MYO18B: variants seen among roughly 807,000 people sequenced by gnomAD.
MYO18B encodes unconventional myosin-XVIIIb.
In MYO18B, 204 loss-of-function variants were observed where a neutral mutation model predicts 273.0. The ratio of observed to expected loss-of-function variants is 0.75; its 90% CI spans 0.67 to 0.84. The LOEUF is 0.84. Ranked by LOEUF, MYO18B falls within the 40% of genes least tolerant of loss-of-function variation. The probability of loss-of-function intolerance (pLI) is 0.00; values close to 1 mark genes in which losing one functional copy is unlikely to be tolerated. For missense variants in MYO18B, 3,212 were observed against 3,287.6 expected (o/e 0.98, Z 0.56); for synonymous variants, 1,330 against 1,305.7 (o/e 1.02, Z -0.40).
At chr22:25,826,354 C>G in intron 13 of MYO18B, 55 bp from the exon 14 acceptor site, 9 of 1,427,416 alleles carry the variant, frequency 6.3e-6, no homozygotes, top group Non-Finnish European at 7.8e-6. Flanking sequence ...CAGTGATGTC[C>G]TTGGCCCCAG....
At chr22:25,887,919 A>G (rs7289475) in intron 25 of MYO18B, among the ~76,000 whole-genome samples, 3,151 of 152,270 alleles carry the variant, frequency 0.021, 117 homozygotes, top group African/African-American at 0.07. Flanking sequence ...CTAATTGGCT[A>G]AGGTGGAGAG....
chr22:26,061,746 A>G, the MYO18B span, among the ~76,000 whole-genome samples: 1 of 151,560 alleles, frequency 6.6e-6, no homozygotes, highest in African/African-American at 2.4e-5. Context: ...TCACACTCCC[A>G]ACACACCTCT....
chr22:25,780,951 A>C (rs2087123706), intron 9 of MYO18B, among the ~76,000 whole-genome samples: 1 of 152,190 alleles, frequency 6.6e-6, no homozygotes, highest in African/African-American at 2.4e-5. Flanking sequence ...GTCTCCCTCA[A>C]ACATCCTGTT....
chr22:26,055,024 GCA>G, the MYO18B span, among the ~76,000 whole-genome samples: 2 of 152,134 alleles, frequency 1.3e-5, no homozygotes, highest in Admixed American at 1.3e-4. Context: ...TTCTTAGACA[GCA>G]CAGTCTAGTA....
downstream of MYO18B, among the ~76,000 whole-genome samples, chr22:26,031,357 G>C (rs1936662600): frequency 6.6e-6 from 1 of 152,126 alleles, no homozygotes; most frequent in African/African-American, 2.4e-5. Flanking sequence ...TAGCTGGAGG[G>C]TTGAAGTCCA....
rs371971405 is a variant in MYO18B, at chr22:25,876,231, G to A, written c.4123G>A (p.Val1375Met). 1.4e-5 allele frequency: 23 copies of A among 1,613,460 alleles called. No individual in the cohort carries two copies. The highest frequency in any genetic ancestry group is 6.7e-5 in the East Asian group (3 of 44,860). Reference protein sequence around the residue: ...AAQCIQKNVAVFLAVKDWPWW... With the variant: ...AAQCIQKNVAMFLAVKDWPWW... The stretch of plus-strand genomic sequence containing the variant: ...ACAGTGCATCCAGAAGAATGTGGCT[G>A]TGTTCCTCGCAGTCAAGGACTGGCC... The change falls in exon 24 of 44, where the codon GTG becomes ATG. Residue 1375 changes from valine (V) to methionine (M), a missense_variant. Transcript: ENST00000335473.
intron 12 of MYO18B, among the ~76,000 whole-genome samples, chr22:25,801,699 C>G (rs1265973228): frequency 6.6e-6 from 1 of 152,118 alleles, no homozygotes; most frequent in East Asian, 1.9e-4. Flanking sequence ...TTGGGCCATT[C>G]TCATTTTCCT....
chr22:26,026,497 A>G lies in MYO18B; in HGVS notation c.6523A>G (p.Ser2175Gly), dbSNP rs1486052838. ...TERTQSALALSRARSTNVHSK... is the reference protein window; with the variant it reads ...TERTQSALALGRARSTNVHSK... ...GAGGACCCAGTCGGCATTGGCACTG[A>G]GCAGAGCCCGGTCCACCAATGTCCA... is the stretch of plus-strand genomic sequence containing the variant. Residue 2175 changes from serine (S) to glycine (G), a missense_variant, in exon 43 of 44, where the codon AGC (serine) becomes GGC (glycine). Physicochemically the swap from Ser to Gly is moderately conservative, Grantham distance 56. Coordinates refer to ENST00000335473, the MANE Select transcript of MYO18B (RefSeq NM_032608.7). 2 of 1,613,802 alleles carry G rather than the reference A, an allele frequency of 1.2e-6. No individual in the cohort carries two copies. The highest frequency in any genetic ancestry group is 2.7e-5 in the African/African-American group (2 of 74,920).
intron 12 of MYO18B, among the ~76,000 whole-genome samples, chr22:25,799,136 T>TGTGTGTGTGG (rs2088067911): frequency 6.9e-6 from 1 of 145,726 alleles, no homozygotes; most frequent in African/African-American, 2.7e-5. Context: ...TACGTTTGTG[T>TGTGTGTGTGG]GTGTGTGTGT....
intron 31 of MYO18B, among the ~76,000 whole-genome samples, chr22:25,906,079 TC>T (rs2092036564): frequency 1.3e-5 from 2 of 152,320 alleles, no homozygotes; most frequent in South Asian, 4.1e-4. Flanking sequence ...CATGCTCAGT[TC>T]ACCCAGGAGA....
chr22:25,904,130 C>G lies in MYO18B; in HGVS notation c.5148+299C>G, dbSNP rs150665640. 3.5e-3 allele frequency among the ~76,000 whole-genome samples: 534 copies of G among 152,288 alleles called. 3 individuals are homozygous for G. Among genetic ancestry groups the G allele is most frequent in the South Asian group, 8.1e-3 (39 of 4,826 alleles). On this transcript the variant is annotated intron_variant, in intron 31 of 43. Coordinates refer to ENST00000335473, the MANE Select transcript of MYO18B (RefSeq NM_032608.7). ...AGCTGGGTTGCTTTACTCTCTGGTA[C>G]CTGCCATCGTATTAGATAGTATTTT...
chr22:25,948,718 C>A (rs1387208749), intron 36 of MYO18B, among the ~76,000 whole-genome samples: 2 of 151,894 alleles, frequency 1.3e-5, no homozygotes, highest in Non-Finnish European at 2.9e-5. Context: ...CCTTCATGTA[C>A]CTCACAGTTT....
chr22:25,752,716 G>T (rs1293189853), intron 1 of MYO18B, among the ~76,000 whole-genome samples: 1 of 152,200 alleles, frequency 6.6e-6, no homozygotes, highest in African/African-American at 2.4e-5. Flanking sequence ...AGCAGCCCTT[G>T]CTCGCTCTCG....
In MYO18B at chr22:25,950,793, A is replaced by G. The variant is rs1296078236; in HGVS notation, c.5832+343A>G. Among the ~76,000 whole-genome samples the G allele has an allele frequency of 2.6e-5, 4 of 152,158 alleles. No homozygotes were observed. The South Asian group carries it at 8.3e-4, about 32-fold the overall frequency. On this transcript the variant is annotated intron_variant, in intron 37 of 43. Coordinates refer to ENST00000335473, the MANE Select transcript of MYO18B (RefSeq NM_032608.7). The stretch of plus-strand genomic sequence containing the variant: ...TACCATGTTGGTTAGGCTGGTCTCT[A>G]ACTCCTGACCTCAGGTGATCCGCCC...
intron 39 of MYO18B, among the ~76,000 whole-genome samples, chr22:25,979,355 A>G (rs1044477500): frequency 2.0e-5 from 3 of 152,212 alleles, no homozygotes; most frequent in African/African-American, 7.2e-5. Flanking sequence ...TTATGTTGAT[A>G]TAATTATTCC....
At chr22:25,767,366 G>A (rs1310837022) in intron 3 of MYO18B, among the ~76,000 whole-genome samples, 1 of 152,144 alleles carries the variant, frequency 6.6e-6, no homozygotes. Flanking sequence ...AGGGCCCTCA[G>A]CTGGTATGGG....
intron 31 of MYO18B, among the ~76,000 whole-genome samples, chr22:25,905,069 A>G (rs2301501): frequency 0.89 from 135,113 of 152,122 alleles, 60,415 homozygotes; most frequent in African/African-American, 0.96. Context: ...AAAAATGCTG[A>G]GGCCACCGTT....
chr22:25,882,727 C>T (rs8140359), intron 25 of MYO18B, among the ~76,000 whole-genome samples: 4,727 of 152,186 alleles, frequency 0.031, 233 homozygotes, highest in African/African-American at 0.1. Flanking sequence ...TGGTTTATGT[C>T]GGTCACTTTT....
chr22:25,872,713 C>T (rs963776765), intron 22 of MYO18B, among the ~76,000 whole-genome samples: 4 of 151,886 alleles, frequency 2.6e-5, no homozygotes, highest in African/African-American at 9.7e-5. Flanking sequence ...TGAGAATCAT[C>T]GTAACTACCA....
Sources: gnomAD v4.1 joint callset for allele counts (sites outside exome capture counted in the v4.1 genomes callset) on GRCh38, gnomAD v4.1.1 for gene constraint, MANE v1.5 for transcripts, NCBI Gene and HGNC (gene_info 2026-07-23, HGNC 2026-07-21) for gene names.